The following SLC12A2 variants were observed in gnomAD, a reference collection of about 807,000 sequenced individuals.
The protein encoded by SLC12A2 is solute carrier family 12 member 2, also known as Na-K-2Cl cotransporter 1.
SLC12A2 carries 67 observed loss-of-function variants against 136.3 expected under a neutral mutation model. The ratio of observed to expected loss-of-function variants is 0.49; its 90% confidence interval spans 0.40 to 0.60. The LOEUF (loss-of-function observed/expected upper bound fraction) is 0.60, where lower values mean the gene tolerates loss of function less well. Among genes scored for constraint, SLC12A2 ranks in the 20% least tolerant of loss-of-function variants. SLC12A2 has a pLI of 0.00. For missense variants in SLC12A2, 1,322 were observed against 1,534.7 expected (o/e 0.86, Z 2.32); for synonymous variants, 619 against 562.9 (o/e 1.10, Z -1.41).
At chr5:128,173,009 C>A (rs1166530858) in intron 19 of SLC12A2, among the ~76,000 whole-genome samples, 1 of 151,668 alleles carries the variant, frequency 6.6e-6, no homozygotes, top group East Asian at 1.9e-4. Flanking sequence ...ATTTTTATAT[C>A]CTTTGAAGAT....
chr5:128,088,627 A>G (rs142153282), intron 1 of SLC12A2, among the ~76,000 whole-genome samples: 44 of 152,128 alleles, frequency 2.9e-4, no homozygotes, highest in Non-Finnish European at 5.9e-4. Context: ...AATTTCTAAT[A>G]TTTTTGTTTT....
intron 1 of SLC12A2, among the ~76,000 whole-genome samples, chr5:128,107,642 A>G (rs1157712683): frequency 6.6e-6 from 1 of 152,204 alleles, no homozygotes. Context: ...TTATGGCTGC[A>G]TAGTATTCTA....
intron 4 of SLC12A2, among the ~76,000 whole-genome samples, chr5:128,118,744 C>A (rs982100626): frequency 6.6e-6 from 1 of 151,984 alleles, no homozygotes. Context: ...TTTTTTAATT[C>A]CAACTTCTGT....
chr5:128,126,307 C>T (rs1012556742), intron 4 of SLC12A2, among the ~76,000 whole-genome samples: 63 of 152,094 alleles, frequency 4.1e-4, no homozygotes, highest in Admixed American at 2.0e-3. Flanking sequence ...AAATGGCAAG[C>T]AGGCATATGA....
intron 19 of SLC12A2, among the ~76,000 whole-genome samples, chr5:128,172,266 CTG>C (rs1204932346): frequency 6.6e-6 from 1 of 152,168 alleles, no homozygotes; most frequent in East Asian, 1.9e-4. Context: ...GAGAGGTCCT[CTG>C]TACCTTTCAT....
chr5:128,114,129 C>T (rs1761256838), intron 2 of SLC12A2, 83 bp from the exon 3 acceptor site: 2 of 944,290 alleles, frequency 2.1e-6, no homozygotes, highest in Non-Finnish European at 3.3e-6. Flanking sequence ...AATGCATGTT[C>T]TACTTTGACT....
At chr5:128,112,194 A>C (rs1467410884) in intron 1 of SLC12A2, among the ~76,000 whole-genome samples, 1 of 152,200 alleles carries the variant, frequency 6.6e-6, no homozygotes, top group Non-Finnish European at 1.5e-5. Context: ...AAAAACCTAA[A>C]AAGGAAACAC....
chr5:128,154,382 A>G (rs955772291), intron 15 of SLC12A2, among the ~76,000 whole-genome samples: 1 of 152,124 alleles, frequency 6.6e-6, no homozygotes, highest in South Asian at 2.1e-4. Flanking sequence ...GTACCACTAC[A>G]TGCTAGCCTG....
intron 4 of SLC12A2, among the ~76,000 whole-genome samples, chr5:128,124,847 TAGCAACTAGCACTGTCCAATCCGGA>T (rs1474547105): frequency 6.6e-6 from 1 of 152,154 alleles, no homozygotes; most frequent in Non-Finnish European, 1.5e-5. Context: ...GTTGTTCCTC[TAGCAACTAGCACTGTCCAATCCGGA>T]AGCTATGTAA....
intron 1 of SLC12A2, among the ~76,000 whole-genome samples, chr5:128,088,301 A>G (rs1760179419): frequency 6.6e-6 from 1 of 152,156 alleles, no homozygotes; most frequent in Admixed American, 6.5e-5. Flanking sequence ...GGAAAGGCAG[A>G]AACTCTTCAA....
Position 128,148,830 on chromosome 5 carries a change from G to T in SLC12A2, c.1958G>T (p.Arg653Leu), listed in dbSNP as rs763775784. The T allele has an allele frequency of 1.2e-6, 2 of 1,607,598 alleles. No individual in the cohort carries two copies. The highest frequency in any genetic ancestry group is 2.2e-5 in the South Asian group (2 of 90,172). ...KGYGKNNEPL[R>L]GYILTFLIAL... ...TATGGGAAAAATAATGAACCTCTTC[G>T]TGGCTACATCTTAACATTCTTAATT... is the stretch of plus-strand genomic sequence containing the variant. The change falls in exon 12 of 27, where the codon CGT (arginine) becomes CTT (leucine). Residue 653 changes from arginine (R) to leucine (L), a missense_variant. By Grantham distance (102) the Arg-to-Leu change is moderately radical. Coordinates refer to ENST00000262461, the MANE Select transcript of SLC12A2 (RefSeq NM_001046.3).
At position 128,140,704 on chromosome 5, in the gene SLC12A2, C is replaced by G. The variant is rs574292029; in HGVS notation, c.1622-1126C>G. 8.8e-4 allele frequency among the ~76,000 whole-genome samples: 134 copies of G among 151,910 alleles called. 3 individuals are homozygous for G. The highest frequency in any genetic ancestry group is 3.2e-3 in the African/African-American group (132 of 41,298). ...AGCTCAAAGAAGTGGAACCTTCCCC[C>G]CCCAAAAAATTTCAGGCATAGACTA... On this transcript the variant is annotated intron_variant, in intron 9 of 26. Transcript: ENST00000262461.
intron 1 of SLC12A2, among the ~76,000 whole-genome samples, chr5:128,096,504 T>C (rs1760543769): frequency 6.6e-6 from 1 of 152,072 alleles, no homozygotes; most frequent in Non-Finnish European, 1.5e-5. Context: ...TCTTTGAAAA[T>C]TAAAATGTGA....
rs1189494802 is a variant in SLC12A2, at chr5:128,141,941, A to C, written c.1733A>C (p.Glu578Ala). ...TTAAACTTTGATTTTTCATCTTGTG[A>C]AAGCAGTCCTTGTTCCTATGGCCTA... ...CKLNFDFSSCESSPCSYGLMN... is the reference protein window; with the variant it reads ...CKLNFDFSSCASSPCSYGLMN... The change falls in exon 10 of 27, where the codon GAA (glutamate) becomes GCA (alanine). Residue 578 changes from glutamate to alanine, a missense_variant. Transcript: ENST00000262461. The C allele has an allele frequency of 6.8e-6, 11 of 1,613,936 alleles. No homozygotes were observed. Among genetic ancestry groups the C allele is most frequent in the African/African-American group, 1.3e-5 (1 of 74,932 alleles).
In SLC12A2 at chr5:128,149,904, T is replaced by C. The variant is rs1029381651; in HGVS notation, c.2006-93T>C. On this transcript the variant is annotated intron_variant, in intron 12 of 26. Transcript: ENST00000262461. ...AAAGCTGGATGGTGGTTATGGGGTG[T>C]TACGTTGTTATCTAAAGATTTGAAA... 41 of 843,318 alleles carry C rather than the reference T, an allele frequency of 4.9e-5. No individual in the cohort carries two copies. In the African/African-American group the frequency reaches 6.2e-4, roughly 13 times the overall value. The allele number at this position is 843,318 out of a possible 1,614,324, so 52.2% of individuals were successfully genotyped here.
At chr5:128,160,816 A>T (rs745484172) in intron 16 of SLC12A2, among the ~76,000 whole-genome samples, 32 of 151,714 alleles carry the variant, frequency 2.1e-4, no homozygotes, top group Non-Finnish European at 4.4e-4. Context: ...TTCTGCTTAT[A>T]CAGTGGCAAA....
intron 17 of SLC12A2, among the ~76,000 whole-genome samples, chr5:128,166,440 A>G (rs538864981): frequency 1.3e-5 from 2 of 151,850 alleles, no homozygotes; most frequent in Non-Finnish European, 2.9e-5. Context: ...GCGTCTCCCA[A>G]CAGATGAATG....
chr5:128,183,673 G>A (rs1763779030), intron 24 of SLC12A2, among the ~76,000 whole-genome samples: 1 of 151,872 alleles, frequency 6.6e-6, no homozygotes, highest in Non-Finnish European at 1.5e-5. Flanking sequence ...AATTTTTAGT[G>A]TCTGCCCTTT....
intron 4 of SLC12A2, among the ~76,000 whole-genome samples, chr5:128,115,013 T>C (rs1225900868): frequency 6.6e-6 from 1 of 152,162 alleles, no homozygotes; most frequent in Non-Finnish European, 1.5e-5. Context: ...TTGTTCAACA[T>C]TGTATTGGGG....
Sources: gnomAD v4.1 joint callset for allele counts (sites outside exome capture counted in the v4.1 genomes callset) on GRCh38, gnomAD v4.1.1 for gene constraint, MANE v1.5 for transcripts, NCBI Gene and HGNC (gene_info 2026-07-23, HGNC 2026-07-21) for gene names.